Variants in SMARCC2 observed in about 807,000 individuals in gnomAD.
SMARCC2 encodes the protein SWI/SNF complex subunit SMARCC2.
SMARCC2 carries 15 observed loss-of-function variants against 151.3 expected under a neutral mutation model. That is an observed-to-expected ratio of 0.10 (90% CI 0.07 to 0.15). SMARCC2 has a LOEUF of 0.15. Ranked by LOEUF, SMARCC2 falls within the 10% of genes least tolerant of loss-of-function variation. The pLI, the probability that SMARCC2 is intolerant of heterozygous loss-of-function variation, is 1.00. For missense variants in SMARCC2, 1,031 were observed against 1,599.7 expected, an observed-to-expected ratio of 0.64 and a Z score of 6.06; for synonymous variants, 590 against 609.5, an observed-to-expected ratio of 0.97 and a Z score of 0.47.
At chr12:56,167,197 C>T (rs1872956021) in intron 26 of SMARCC2, among the ~76,000 whole-genome samples, 1 of 148,176 alleles carries the variant, frequency 6.7e-6, no homozygotes, top group South Asian at 2.2e-4. Flanking sequence ...ACTAAAAATA[C>T]AAAATTAGCT....
At chr12:56,188,821 C>T (rs961244619) in intron 1 of SMARCC2, among the ~76,000 whole-genome samples, 2 of 152,138 alleles carry the variant, frequency 1.3e-5, no homozygotes, top group African/African-American at 4.8e-5. Flanking sequence ...ACAGGTGATC[C>T]CTGGGTGGAG....
At position 56,189,409 on chromosome 12, in the gene SMARCC2, G is replaced by A. The variant is rs200089721; in HGVS notation, c.53C>T (p.Ala18Val). ...GTTGTCGAACTGGGTCACGGTGTCC[G>A]CGGCCTCGTAGTACTTCACGTTGGG... ...GGPNVKYYEA[A>V]DTVTQFDNVR... Residue 18 changes from alanine (A) to valine (V), a missense_variant, in exon 1 of 29, where the codon GCG (alanine) becomes GTG (valine). By Grantham distance (64) the Ala-to-Val change is moderately conservative (BLOSUM62 0). Transcript: ENST00000550164. The A allele has an allele frequency of 4.4e-5, 67 of 1,539,002 alleles. No individual in the cohort carries two copies. The highest frequency in any genetic ancestry group is 5.8e-5 in the Non-Finnish European group (66 of 1,139,784).
intron 1 of SMARCC2, 66 bp from the exon 2 acceptor site, chr12:56,187,372 T>C: frequency 6.7e-7 from 1 of 1,487,902 alleles, no homozygotes. Flanking sequence ...TCTCCCATAT[T>C]TCTCCCCCAG....
In SMARCC2 at chr12:56,169,705, G is replaced by A. The variant is rs755860195; in HGVS notation, c.2549-10C>T. Reference sequence around the variant, plus strand: ...TCCTTCTCAGGATCGACTGGGCCAGGACAAGGGTTGAGTTAGCCCCACAGC... The same window carrying A: ...TCCTTCTCAGGATCGACTGGGCCAGAACAAGGGTTGAGTTAGCCCCACAGC... On this transcript the variant is annotated splice_polypyrimidine_tract_variant and intron_variant, in intron 24 of 28. Coordinates refer to ENST00000550164, the MANE Select transcript of SMARCC2 (RefSeq NM_001330288.2). 2 of 1,613,924 alleles carry A rather than the reference G, an allele frequency of 1.2e-6. No homozygotes were observed. The highest frequency in any genetic ancestry group is 1.1e-5 in the South Asian group (1 of 91,072).
intron 3 of SMARCC2, 28 bp downstream of exon 3, chr12:56,186,127 A>T: frequency 6.9e-7 from 1 of 1,451,948 alleles, no homozygotes; most frequent in Non-Finnish European, 9.7e-7. Context: ...TAAACTAAAT[A>T]TAAGAAGAAT....
chr12:56,173,526 G>T (rs966080022), intron 17 of SMARCC2, among the ~76,000 whole-genome samples, 170 bp downstream of exon 17: 1 of 152,168 alleles, frequency 6.6e-6, no homozygotes, highest in African/African-American at 2.4e-5. Context: ...TACAAAGGCT[G>T]AGAGAGGATG....
chr12:56,184,756 A>G (rs1876899035), intron 5 of SMARCC2, 88 bp downstream of exon 5: 1 of 787,660 alleles, frequency 1.3e-6, no homozygotes, highest in Non-Finnish European at 2.2e-6. Flanking sequence ...AGCAGAAAAC[A>G]TGGTAATTCA....
Position 56,187,167 on chromosome 12 carries a change from C to G in SMARCC2, c.231+20G>C. On this transcript the variant is annotated intron_variant, in intron 2 of 28. Coordinates refer to ENST00000550164, the MANE Select transcript of SMARCC2 (RefSeq NM_001330288.2). ...TTCACCACCACCACCCCCCACCCTC[C>G]CTGCTACTTCTGCACTCACCGGCAG... is the stretch of plus-strand genomic sequence containing the variant. The G allele has an allele frequency of 6.2e-7, 1 of 1,603,914 alleles. No homozygotes were observed. The highest frequency in any genetic ancestry group is 1.3e-5 in the African/African-American group (1 of 74,858).
At chr12:56,168,609 G>C (rs2135665275) in intron 25 of SMARCC2, among the ~76,000 whole-genome samples, 2 of 152,122 alleles carry the variant, frequency 1.3e-5, no homozygotes, top group Middle Eastern at 3.4e-3. Flanking sequence ...TACAACCTCA[G>C]GTGATCCACC....
In SMARCC2 at chr12:56,172,600, C is replaced by A. The variant is rs772629417; in HGVS notation, c.1848G>T (p.Lys616Asn). 6.2e-7 allele frequency: 1 copy of A among 1,614,216 alleles called. No individual in the cohort carries two copies. The highest frequency in any genetic ancestry group is 1.1e-5 in the South Asian group (1 of 91,078). The change falls in exon 19 of 29, where the codon AAG (lysine) becomes AAT (asparagine). Residue 616 changes from lysine (K) to asparagine (N), a missense_variant. Physicochemically the swap from Lys to Asn is moderately conservative, Grantham distance 94 (BLOSUM62 0). Transcript: ENST00000550164. Reference sequence around the variant, plus strand: ...CACCTCCTACCTTGGAGGGAACATTCTTTTTTGTGTACATGTCTGTGCGCA... The same window carrying A: ...CACCTCCTACCTTGGAGGGAACATTATTTTTTGTGTACATGTCTGTGCGCA... Reference protein sequence around the residue: ...FGLRTDMYTKKNVPSKSKAAA... With the variant: ...FGLRTDMYTKNNVPSKSKAAA...
chr12:56,171,559 G>A lies in SMARCC2; in HGVS notation c.2185+120C>T. 3 of 1,492,956 alleles carry A rather than the reference G, an allele frequency of 2.0e-6. No homozygotes were observed. The highest frequency in any genetic ancestry group is 1.3e-5 in the South Asian group (1 of 79,572). The allele number at this position is 1,492,956 out of a possible 1,614,324, so 92.5% of individuals were successfully genotyped here. Reference sequence around the variant, plus strand: ...GTATGGAGCCTAGACAGGTGCCTGAGCTGAGGCCCGCACAGACAAGGCCAG... The same window carrying A: ...GTATGGAGCCTAGACAGGTGCCTGAACTGAGGCCCGCACAGACAAGGCCAG... On this transcript the variant is annotated intron_variant, in intron 21 of 28. Coordinates refer to ENST00000550164, the MANE Select transcript of SMARCC2 (RefSeq NM_001330288.2). This position sits in a 1 kb window ranked among gnomAD's most constrained non-coding sequence, Gnocchi z 4.2.
intron 7 of SMARCC2, among the ~76,000 whole-genome samples, chr12:56,183,150 TTTTTG>T (rs983724253): frequency 9.9e-5 from 15 of 151,906 alleles, no homozygotes; most frequent in African/African-American, 2.4e-4. Context: ...TACGTGCTAT[TTTTTG>T]TTTTGTTTTG....
chr12:56,184,086 G>A (rs1347356497), intron 6 of SMARCC2, 89 bp downstream of exon 6: 1 of 1,087,962 alleles, frequency 9.2e-7, no homozygotes, highest in Non-Finnish European at 1.4e-6. Flanking sequence ...GAAAGAAGAG[G>A]AGGAGCCCAG....
intron 15 of SMARCC2, 109 bp from the exon 16 acceptor site, chr12:56,174,873 G>A: frequency 4.2e-6 from 3 of 709,006 alleles, no homozygotes; most frequent in Admixed American, 2.4e-5. Flanking sequence ...TGATAAAGAT[G>A]GAAAAAAGTA....
intron 15 of SMARCC2, among the ~76,000 whole-genome samples, chr12:56,175,767 T>G (rs1874829862): frequency 6.6e-6 from 1 of 152,194 alleles, no homozygotes; most frequent in African/African-American, 2.4e-5. Context: ...AAGGTTGACG[T>G]AAAGATTAAA....
chr12:56,187,171 C>A lies in SMARCC2; in HGVS notation c.231+16G>T. 6.2e-7 allele frequency: 1 copy of A among 1,606,894 alleles called. No homozygotes were observed. The highest frequency in any genetic ancestry group is 8.5e-7 in the Non-Finnish European group (1 of 1,174,558). On this transcript the variant is annotated intron_variant, in intron 2 of 28. Coordinates refer to ENST00000550164, the MANE Select transcript of SMARCC2 (RefSeq NM_001330288.2). ...CCACCACCACCCCCCACCCTCCCTG[C>A]TACTTCTGCACTCACCGGCAGTTTA...
At position 56,181,732 on chromosome 12, in the gene SMARCC2, T is replaced by G. The variant is rs763295909; in HGVS notation, c.812A>C (p.Lys271Thr). The change falls in exon 9 of 29, where the codon AAG (lysine) becomes ACG (threonine). Residue 271 changes from lysine to threonine, a missense_variant. By Grantham distance (78) the Lys-to-Thr change is moderately conservative. Around this residue, in one of 12 missense-constraint regions of SMARCC2, gnomAD observed 123 missense variants for 190.4 expected, o/e 0.65. Transcript: ENST00000550164. Reference protein sequence around the residue: ...DDKNPVSRRKKISAKTLTDEV... With the variant: ...DDKNPVSRRKTISAKTLTDEV... ...ATCTGTCAGTGTCTTGGCTGAAATCTTCTTTCGGCGGGAGACAGGGTTTTT... is the reference window on the plus strand; with the variant it reads ...ATCTGTCAGTGTCTTGGCTGAAATCGTCTTTCGGCGGGAGACAGGGTTTTT... 1 of 1,614,230 alleles carries G rather than the reference T, an allele frequency of 6.2e-7. No homozygotes were observed.
At position 56,189,370 on chromosome 12, in the gene SMARCC2, A is replaced by G; in HGVS notation, c.92T>C (p.Leu31Pro). The G allele has an allele frequency of 6.5e-7, 1 of 1,535,898 alleles. No individual in the cohort carries two copies. The highest frequency in any genetic ancestry group is 8.8e-7 in the Non-Finnish European group (1 of 1,137,500). ...VTQFDNVRLW[L>P]GKNYKKYIQA... ...GCGTACCTTCTTGTAGTTCTTGCCGAGCCACAGCCGCACGTTGTCGAACTG... is the reference window on the plus strand; with the variant it reads ...GCGTACCTTCTTGTAGTTCTTGCCGGGCCACAGCCGCACGTTGTCGAACTG... Residue 31 changes from leucine (L) to proline (P), a missense_variant, in exon 1 of 29, where the codon CTC becomes CCC. Leu to Pro is a moderately conservative substitution (Grantham distance 98). Coordinates refer to ENST00000550164, the MANE Select transcript of SMARCC2 (RefSeq NM_001330288.2).
At position 56,178,732 on chromosome 12, in the gene SMARCC2, A is replaced by G. The variant is rs1875517648; in HGVS notation, c.1179+78T>C. 2.6e-6 allele frequency: 4 copies of G among 1,530,842 alleles called. No individual in the cohort carries two copies. The Admixed American group carries it at 5.0e-5, about 19-fold the overall frequency. The allele number at this position is 1,530,842 out of a possible 1,614,324, so 94.8% of individuals were successfully genotyped here. A position where few individuals can be genotyped will look rare whatever the true frequency, so the allele number is the denominator to read the frequency against. ...ACAGTGGGTAAAGTCTGGGCAGTGA[A>G]AAGTTTGGGCAGAATGAACTTTATA... On this transcript the variant is annotated intron_variant, in intron 13 of 28. Coordinates refer to ENST00000550164, the MANE Select transcript of SMARCC2 (RefSeq NM_001330288.2).
Sources: allele counts gnomAD v4.1 joint callset (sites outside exome capture counted in the v4.1 genomes callset), GRCh38; gene constraint gnomAD v4.1.1; regional missense constraint gnomAD v4.1.1; non-coding constraint Gnocchi (gnomAD v3.1); transcripts MANE v1.5; gene names NCBI Gene and HGNC (gene_info 2026-07-23, HGNC 2026-07-21).